The following ARFGAP3 variants were observed in gnomAD, a reference collection of about 807,000 sequenced individuals.
ARFGAP3 encodes ADP-ribosylation factor GTPase-activating protein 3.
ARFGAP3 carries 72 observed loss-of-function variants against 75.0 expected under a neutral mutation model. The ratio of observed to expected loss-of-function variants is 0.96; its 90% CI spans 0.79 to 1.17. The LOEUF is 1.17. ARFGAP3 is among the 50% of genes most tolerant of loss of function. The pLI, the probability that ARFGAP3 is intolerant of heterozygous loss-of-function variation, is 0.00. For synonymous variants in ARFGAP3, 221 were observed against 217.9 expected (o/e 1.01, Z -0.13); for missense variants, 620 against 626.6 (o/e 0.99, Z 0.11).
rs1924645563 is a variant in ARFGAP3, at chr22:42,797,309, T to C, written c.*279A>G. The C allele has an allele frequency of 2.2e-6, 1 of 454,162 alleles. No individual in the cohort carries two copies. Among genetic ancestry groups the C allele is most frequent in the South Asian group, 2.6e-5 (1 of 39,056 alleles). 28.1% of individuals were successfully genotyped at this position (454,162 alleles called of 1,614,324 possible). On this transcript the variant is annotated 3_prime_UTR_variant, in exon 16 of 16. Transcript: ENST00000263245. ...GGAGCCGAGGTCTCCAGGCCCTCAG[T>C]GTTGAAATCAAAGGTTCCAAGAAAA...
At chr22:42,817,471 C>A (rs532027052) in intron 10 of ARFGAP3, 1 of 267,032 alleles carries the variant, frequency 3.7e-6, no homozygotes, top group African/African-American at 2.3e-5. Flanking sequence ...AATGCAGTCA[C>A]AAATATTGGT....
chr22:42,819,671 T>C (rs556865210), intron 9 of ARFGAP3, among the ~76,000 whole-genome samples: 7 of 152,268 alleles, frequency 4.6e-5, no homozygotes, highest in Non-Finnish European at 8.8e-5. Flanking sequence ...GGGAAACTGC[T>C]AGAAGGAGAC....
At chr22:42,817,488 C>T (rs1449349933) in intron 10 of ARFGAP3, 7 of 239,946 alleles carry the variant, frequency 2.9e-5, no homozygotes, top group Non-Finnish European at 3.4e-5. Flanking sequence ...TGGTTATGTC[C>T]ATGGTTTCCT....
chr22:42,811,207 A>G (rs1434099732), intron 11 of ARFGAP3, among the ~76,000 whole-genome samples: 1 of 152,260 alleles, frequency 6.6e-6, no homozygotes, highest in Non-Finnish European at 1.5e-5. Context: ...CAGGTAGGTG[A>G]AACCTCCATC....
At chr22:42,801,410 T>G (rs1924855165) in intron 14 of ARFGAP3, among the ~76,000 whole-genome samples, 1 of 152,160 alleles carries the variant, frequency 6.6e-6, no homozygotes, top group Non-Finnish European at 1.5e-5. Context: ...CACCCACAAC[T>G]GATGTTTGCT....
At chr22:42,856,621 T>C (rs1927512556) in intron 1 of ARFGAP3, among the ~76,000 whole-genome samples, 1 of 152,198 alleles carries the variant, frequency 6.6e-6, no homozygotes, top group African/African-American at 2.4e-5. Flanking sequence ...TCGGCAACTT[T>C]ATCAGAAGAG....
chr22:42,814,079 G>A (rs1340628053), intron 11 of ARFGAP3, among the ~76,000 whole-genome samples: 1 of 152,012 alleles, frequency 6.6e-6, no homozygotes, highest in Non-Finnish European at 1.5e-5. Context: ...TGAGCAAATT[G>A]TTCTAGTTTC....
intron 15 of ARFGAP3, among the ~76,000 whole-genome samples, chr22:42,798,491 A>G (rs1419198521): frequency 6.6e-6 from 1 of 152,272 alleles, no homozygotes; most frequent in Non-Finnish European, 1.5e-5. Context: ...TCTCATGCGC[A>G]AGTATGCGCC....
At chr22:42,800,859 A>G (rs1262921825) in intron 14 of ARFGAP3, among the ~76,000 whole-genome samples, 1 of 152,232 alleles carries the variant, frequency 6.6e-6, no homozygotes, top group Admixed American at 6.5e-5. Context: ...AATGAGCTCC[A>G]GGAAATGACA....
chr22:42,846,038 C>CAAAAAAAAAAAAAAA (rs60266541), intron 2 of ARFGAP3, among the ~76,000 whole-genome samples: 2 of 88,110 alleles, frequency 2.3e-5, no homozygotes, highest in Non-Finnish European at 4.4e-5. Context: ...AACTCCATCT[C>CAAAAAAAAAAAAAAA]AAAAAAAAAA....
At chr22:42,840,921 T>C (rs770617900) in intron 3 of ARFGAP3, 23 bp downstream of exon 3, 108 of 1,611,120 alleles carry the variant, frequency 6.7e-5, no homozygotes, top group Non-Finnish European at 9.0e-5. Flanking sequence ...AGAAGGAAAA[T>C]GACGAGTTTG....
chr22:42,838,275 C>CATAT (rs55855980), intron 3 of ARFGAP3, among the ~76,000 whole-genome samples: 173 of 137,854 alleles, frequency 1.3e-3, no homozygotes, highest in Middle Eastern at 4.1e-3. Context: ...TACACACACA[C>CATAT]ATATATATAT....
At chr22:42,798,953 C>T in intron 15 of ARFGAP3, 86 bp downstream of exon 15, 1 of 1,110,228 alleles carries the variant, frequency 9.0e-7, no homozygotes, top group Non-Finnish European at 1.4e-6. Context: ...ATTGAATTTT[C>T]CAGCAGTTGA....
intron 6 of ARFGAP3, among the ~76,000 whole-genome samples, chr22:42,828,681 C>CTTTTT (rs11379515): frequency 7.7e-5 from 9 of 116,244 alleles, no homozygotes; most frequent in Non-Finnish European, 1.2e-4. Flanking sequence ...AGCCCCCGGC[C>CTTTTT]TTTTTTTTTT....
intron 10 of ARFGAP3, 38 bp from the exon 11 acceptor site, chr22:42,817,302 A>T: frequency 6.4e-7 from 1 of 1,551,874 alleles, no homozygotes; most frequent in South Asian, 1.2e-5. Context: ...CAGTAAGTTC[A>T]CAAACTTTTG....
chr22:42,804,602 G>A (rs920139157), intron 14 of ARFGAP3, among the ~76,000 whole-genome samples: 13 of 151,918 alleles, frequency 8.6e-5, no homozygotes, highest in South Asian at 4.1e-4. Flanking sequence ...GGCTGGTCTC[G>A]ATCTCTTGAC....
Position 42,826,939 on chromosome 22 carries a change from C to T in ARFGAP3, c.625+1G>A. 6.2e-7 allele frequency: 1 copy of T among 1,612,396 alleles called. No individual in the cohort carries two copies. Among genetic ancestry groups the T allele is most frequent in the Non-Finnish European group, 8.5e-7 (1 of 1,179,378 alleles). ...AGAATGTAGGATTTTAAGCATATTACCTAAAGTAGCCTTTGTTGGTACATT... is the reference window on the plus strand; with the variant it reads ...AGAATGTAGGATTTTAAGCATATTATCTAAAGTAGCCTTTGTTGGTACATT... On this transcript the variant is annotated splice_donor_variant, in intron 7 of 15. Coordinates refer to ENST00000263245, the MANE Select transcript of ARFGAP3 (RefSeq NM_014570.5). LOFTEE classifies it high-confidence loss of function.
chr22:42,806,437 C>T (rs1489825815), intron 14 of ARFGAP3, among the ~76,000 whole-genome samples: 2 of 152,244 alleles, frequency 1.3e-5, no homozygotes, highest in Non-Finnish European at 2.9e-5. Flanking sequence ...CACCTCCTCG[C>T]TGGGGTCTGA....
intron 11 of ARFGAP3, among the ~76,000 whole-genome samples, chr22:42,811,278 T>C (rs921072328): frequency 1.5e-4 from 23 of 152,350 alleles, no homozygotes; most frequent in Non-Finnish European, 2.9e-4. Flanking sequence ...CCTGAACCCT[T>C]AGCTGACTTT....
Sources: allele counts gnomAD v4.1 joint callset (sites outside exome capture counted in the v4.1 genomes callset), GRCh38; gene constraint gnomAD v4.1.1; transcripts MANE v1.5; gene names NCBI Gene and HGNC (gene_info 2026-07-23, HGNC 2026-07-21).